PLCB1: variants seen among roughly 807,000 people sequenced by gnomAD.
The protein encoded by PLCB1 is phospholipase C beta 1, also known as 1-phosphatidylinositol 4,5-bisphosphate phosphodiesterase beta-1.
In PLCB1, 46 loss-of-function variants were observed where a neutral mutation model predicts 161.8. The observed-to-expected ratio is 0.28, with a 90% CI of 0.22 to 0.36. The LOEUF (loss-of-function observed/expected upper bound fraction) is 0.36. PLCB1 is among the 10% of genes least tolerant of loss of function. The probability of loss-of-function intolerance (pLI) is 1.00; values close to 1 mark genes in which losing one functional copy is unlikely to be tolerated. For synonymous variants in PLCB1, 517 were observed against 503.7 expected (o/e 1.03, Z -0.35); for missense variants, 1,016 against 1,472.5 (o/e 0.69, Z 5.07).
At chr20:8,189,701 C>G (rs555719851) in intron 2 of PLCB1, among the ~76,000 whole-genome samples, 1 of 152,188 alleles carries the variant, frequency 6.6e-6, no homozygotes, top group South Asian at 2.1e-4. Flanking sequence ...ATGACAATGT[C>G]TTTAATTTTC....
chr20:8,654,507 A>T (rs760124090), intron 7 of PLCB1, among the ~76,000 whole-genome samples: 1 of 152,074 alleles, frequency 6.6e-6, no homozygotes, highest in Non-Finnish European at 1.5e-5. Context: ...ATTAAATAAG[A>T]GATTGTCATG....
chr20:8,461,338 G>T (rs1981567975), intron 3 of PLCB1, among the ~76,000 whole-genome samples: 1 of 152,148 alleles, frequency 6.6e-6, no homozygotes, highest in Non-Finnish European at 1.5e-5. Context: ...TGACTTTGAA[G>T]CTATAAGACA....
intron 10 of PLCB1, among the ~76,000 whole-genome samples, chr20:8,689,884 G>T (rs1271624344): frequency 1.4e-5 from 2 of 146,678 alleles, no homozygotes; most frequent in East Asian, 4.0e-4. Context: ...AGACTAAAAA[G>T]ATGATGTGAT....
chr20:8,438,918 A>C (rs1261551710), intron 3 of PLCB1, among the ~76,000 whole-genome samples: 1 of 152,214 alleles, frequency 6.6e-6, no homozygotes, highest in Non-Finnish European at 1.5e-5. Context: ...CTGGCCTTGC[A>C]CATGACCTTC....
chr20:8,372,989 G>A (rs1218686769), intron 3 of PLCB1, among the ~76,000 whole-genome samples: 1 of 152,028 alleles, frequency 6.6e-6, no homozygotes, highest in Non-Finnish European at 1.5e-5. Context: ...CTTTTATTGC[G>A]GTACACAGCT....
chr20:8,699,710 C>T (rs1192556101), intron 11 of PLCB1, among the ~76,000 whole-genome samples: 1 of 152,046 alleles, frequency 6.6e-6, no homozygotes, highest in East Asian at 1.9e-4. Context: ...CTGTATTAGA[C>T]AATAATAAAA....
In PLCB1 at chr20:8,740,353, A is replaced by G. The variant is rs948237591; in HGVS notation, c.2318A>G (p.Tyr773Cys). The G allele has an allele frequency of 2.9e-5, 46 of 1,588,592 alleles. No homozygotes were observed. The highest frequency in any genetic ancestry group is 3.5e-5 in the Non-Finnish European group (41 of 1,160,186). Residue 773 changes from tyrosine to cysteine, a missense_variant, in exon 22 of 32, where the codon TAT becomes TGT. Around this residue, in one of 10 missense-constraint regions of PLCB1, gnomAD observed 75 missense variants for 117.0 expected, o/e 0.64. Transcript: ENST00000338037. ...TATTCTCACCTTCCAGGCTATCACT[A>G]TATCTGTCTAAGGAATGAAAGGAAC... ...PVQAIRPGYH[Y>C]ICLRNERNQP...
chr20:8,778,499 G>A (rs200999360), intron 27 of PLCB1, among the ~76,000 whole-genome samples: 2 of 152,244 alleles, frequency 1.3e-5, no homozygotes, highest in East Asian at 3.9e-4. Flanking sequence ...TGAGGAGCTA[G>A]GGAGGTGGTA....
intron 27 of PLCB1, among the ~76,000 whole-genome samples, chr20:8,784,461 G>C (rs1465705533): frequency 1.3e-5 from 2 of 152,056 alleles, no homozygotes; most frequent in African/African-American, 2.4e-5. Context: ...TATTCGGGAG[G>C]CTGAGGCACT....
chr20:8,717,588 T>G, intron 13 of PLCB1, 83 bp from the exon 14 acceptor site: 1 of 1,033,278 alleles, frequency 9.7e-7, no homozygotes, highest in Non-Finnish European at 1.4e-6. Context: ...ACATTTGGTA[T>G]CCACAGCTGA....
chr20:8,420,960 T>A (rs1042206744), intron 3 of PLCB1, among the ~76,000 whole-genome samples: 4 of 152,086 alleles, frequency 2.6e-5, no homozygotes, highest in Non-Finnish European at 5.9e-5. Context: ...AATAGACCAA[T>A]TTGGCAGTCT....
At chr20:8,632,052 T>TTG (rs1988614061) in intron 4 of PLCB1, among the ~76,000 whole-genome samples, 1 of 140,512 alleles carries the variant, frequency 7.1e-6, no homozygotes, top group Non-Finnish European at 1.5e-5. Flanking sequence ...TTTTTTTTTT[T>TTG]TTTTTTTTTT....
At chr20:8,344,956 A>G (rs745709428) in intron 2 of PLCB1, among the ~76,000 whole-genome samples, 1 of 152,210 alleles carries the variant, frequency 6.6e-6, no homozygotes, top group East Asian at 1.9e-4. Context: ...TTGCCCCTTA[A>G]TGATCTGTGT....
At chr20:8,870,757 C>T (rs1987581694) in intron 31 of PLCB1, among the ~76,000 whole-genome samples, 1 of 152,168 alleles carries the variant, frequency 6.6e-6, no homozygotes, top group Non-Finnish European at 1.5e-5. Flanking sequence ...ACCCAACAGC[C>T]TTATCAACAC....
intron 31 of PLCB1, among the ~76,000 whole-genome samples, chr20:8,854,120 C>A (rs1986982553): frequency 6.6e-6 from 1 of 152,150 alleles, no homozygotes; most frequent in South Asian, 2.1e-4. Context: ...TAGGGAAGAT[C>A]TGAAAAATGT....
intron 31 of PLCB1, among the ~76,000 whole-genome samples, chr20:8,800,326 A>C (rs952360222): frequency 6.6e-6 from 1 of 152,236 alleles, no homozygotes; most frequent in African/African-American, 2.4e-5. Flanking sequence ...TGTCAACAGA[A>C]ATCAACAGAC....
At chr20:8,308,847 A>T (rs1243606726) in intron 2 of PLCB1, among the ~76,000 whole-genome samples, 2 of 152,120 alleles carry the variant, frequency 1.3e-5, no homozygotes, top group Non-Finnish European at 2.9e-5. Flanking sequence ...AATGTCTGCC[A>T]TTCATAGCAT....
intron 3 of PLCB1, among the ~76,000 whole-genome samples, chr20:8,535,443 A>T (rs1315108050): frequency 6.6e-6 from 1 of 152,186 alleles, no homozygotes; most frequent in Non-Finnish European, 1.5e-5. Flanking sequence ...CCTTTAACAT[A>T]GTAGTTCCAT....
intron 3 of PLCB1, among the ~76,000 whole-genome samples, chr20:8,540,949 C>T (rs534982026): frequency 3.7e-4 from 57 of 152,028 alleles, no homozygotes; most frequent in Non-Finnish European, 3.4e-4. Flanking sequence ...TGCAATGAGG[C>T]ATATCATTAT....
Sources: gnomAD v4.1 joint callset for allele counts (sites outside exome capture counted in the v4.1 genomes callset) on GRCh38, gnomAD v4.1.1 for gene constraint, gnomAD v4.1.1 regional missense constraint, MANE v1.5 for transcripts, NCBI Gene and HGNC (gene_info 2026-07-23, HGNC 2026-07-21) for gene names.